Variants in SDK1 observed in about 807,000 individuals in gnomAD.
SDK1 encodes the protein sidekick cell adhesion molecule 1.
In SDK1, 157 loss-of-function variants were observed where a neutral mutation model predicts 245.5. The ratio of observed to expected loss-of-function variants is 0.64; its 90% CI spans 0.56 to 0.73. SDK1 has a LOEUF of 0.73. SDK1 is among the 30% of genes least tolerant of loss of function. The pLI, the probability that SDK1 is intolerant of heterozygous loss-of-function variation, is 0.00. For missense variants in SDK1, 3,583 were observed against 3,002.3 expected (o/e 1.19, Z -4.52); for synonymous variants, 1,647 against 1,278.5 (o/e 1.29, Z -6.15).
intron 20 of SDK1, among the ~76,000 whole-genome samples, chr7:4,072,019 A>G (rs922085816): frequency 1.3e-5 from 2 of 152,242 alleles, no homozygotes; most frequent in African/African-American, 4.8e-5. Context: ...ATAATAATTC[A>G]CGTTGAGCCA....
At chr7:3,389,396 A>C (rs1426337092) in intron 1 of SDK1, among the ~76,000 whole-genome samples, 1 of 152,184 alleles carries the variant, frequency 6.6e-6, no homozygotes, top group African/African-American at 2.4e-5. Flanking sequence ...TAAACAGAGC[A>C]AAGCAGAGTC....
intron 27 of SDK1, 61 bp from the exon 28 acceptor site, chr7:4,132,264 C>A: frequency 1.5e-6 from 2 of 1,334,548 alleles, no homozygotes; most frequent in Non-Finnish European, 2.1e-6. Context: ...TCCTGTGTAA[C>A]CTGTCACGCA....
chr7:4,020,682 G>A (rs920120959), intron 17 of SDK1, among the ~76,000 whole-genome samples: 1 of 152,188 alleles, frequency 6.6e-6, no homozygotes, highest in African/African-American at 2.4e-5. Flanking sequence ...TCACACACAC[G>A]TGTATATTCA....
intron 4 of SDK1, among the ~76,000 whole-genome samples, chr7:3,807,152 A>G (rs1562457821): frequency 6.6e-6 from 1 of 152,162 alleles, no homozygotes; most frequent in Non-Finnish European, 1.5e-5. Context: ...CCCCATCCCC[A>G]AAGGAAACTG....
At chr7:4,091,443 A>C (rs138230226) in intron 22 of SDK1, among the ~76,000 whole-genome samples, 1,645 of 150,274 alleles carry the variant, frequency 0.011, 16 homozygotes, top group South Asian at 0.038. Context: ...CCCAGGTTCA[A>C]ATGATTCTCA....
intron 4 of SDK1, among the ~76,000 whole-genome samples, chr7:3,780,208 G>A (rs1583406336): frequency 6.6e-6 from 1 of 152,190 alleles, no homozygotes; most frequent in Non-Finnish European, 1.5e-5. Flanking sequence ...TCCCAAGTTG[G>A]CACAGTGCCA....
intron 4 of SDK1, among the ~76,000 whole-genome samples, chr7:3,703,470 G>C (rs1439911818): frequency 6.6e-6 from 1 of 152,196 alleles, no homozygotes; most frequent in East Asian, 1.9e-4. Context: ...GGGAGGATTA[G>C]ATGTGTCTAT....
intron 5 of SDK1, among the ~76,000 whole-genome samples, chr7:3,875,643 G>C (rs1238708360): frequency 6.6e-6 from 1 of 152,206 alleles, no homozygotes; most frequent in Non-Finnish European, 1.5e-5. Context: ...GTTTGTAGAT[G>C]TAGAGACTCG....
At chr7:4,126,621 T>G (rs1784403154) in intron 25 of SDK1, among the ~76,000 whole-genome samples, 1 of 152,208 alleles carries the variant, frequency 6.6e-6, no homozygotes, top group Non-Finnish European at 1.5e-5. Context: ...CTTGGGAGGC[T>G]GAGACAGGAG....
chr7:3,499,828 C>T (rs973760997), intron 1 of SDK1, among the ~76,000 whole-genome samples: 15 of 152,180 alleles, frequency 9.9e-5, no homozygotes, highest in Admixed American at 9.2e-4. Flanking sequence ...TAGCATAGTC[C>T]GAACAACTAA....
At chr7:3,649,375 C>G (rs2128655217) in intron 4 of SDK1, among the ~76,000 whole-genome samples, 1 of 152,040 alleles carries the variant, frequency 6.6e-6, no homozygotes, top group South Asian at 2.1e-4. Context: ...GAAGAAATTG[C>G]CATCCCAATC....
At chr7:3,482,198 C>T (rs1053544614) in intron 1 of SDK1, among the ~76,000 whole-genome samples, 8 of 152,146 alleles carry the variant, frequency 5.3e-5, no homozygotes, top group East Asian at 1.9e-4. Context: ...AAACTACCTA[C>T]CTACTAACAA....
At chr7:3,595,528 G>A (rs1002554445) in intron 1 of SDK1, among the ~76,000 whole-genome samples, 2 of 151,924 alleles carry the variant, frequency 1.3e-5, no homozygotes, top group African/African-American at 4.8e-5. Context: ...AAACTCACCA[G>A]CACTACTGAT....
At chr7:3,864,208 G>A (rs1165531350) in intron 5 of SDK1, among the ~76,000 whole-genome samples, 2 of 152,158 alleles carry the variant, frequency 1.3e-5, no homozygotes, top group African/African-American at 4.8e-5. Context: ...CTTCTAATAT[G>A]TTTACACATA....
intron 28 of SDK1, among the ~76,000 whole-genome samples, chr7:4,140,980 C>A (rs559761346): frequency 3.9e-5 from 6 of 152,294 alleles, no homozygotes; most frequent in Admixed American, 3.9e-4. Context: ...GAGATGAGAA[C>A]TGAGAGTCAG....
At chr7:3,413,765 A>G (rs919432543) in intron 1 of SDK1, among the ~76,000 whole-genome samples, 3 of 152,170 alleles carry the variant, frequency 2.0e-5, no homozygotes, top group African/African-American at 7.2e-5. Flanking sequence ...TGGTGGGAGG[A>G]TCACTTGAGG....
intron 1 of SDK1, among the ~76,000 whole-genome samples, chr7:3,454,959 G>A (rs1327662247): frequency 6.6e-6 from 1 of 152,096 alleles, no homozygotes; most frequent in Non-Finnish European, 1.5e-5. Flanking sequence ...GTGCTTGAGT[G>A]GTACCGTTTC....
intron 1 of SDK1, among the ~76,000 whole-genome samples, chr7:3,419,945 G>A (rs926636015): frequency 6.6e-6 from 1 of 152,178 alleles, no homozygotes; most frequent in Non-Finnish European, 1.5e-5. Flanking sequence ...CGTTAGAGAT[G>A]TACCAGTGGC....
In SDK1 at chr7:3,623,725, C is replaced by T. The variant is rs368306619; in HGVS notation, c.458+4486C>T. ...CTACTTTGGAATGAAAAAATCTTTT[C>T]TAATTATATTCAACATATACATACA... On this transcript the variant is annotated intron_variant, in intron 2 of 44. Transcript: ENST00000404826. Among the ~76,000 whole-genome samples, 11 of 152,218 alleles carry T rather than the reference C, an allele frequency of 7.2e-5. No individual in the cohort carries two copies. In the South Asian group the frequency reaches 2.1e-3, roughly 29 times the overall value.
Sources: allele counts gnomAD v4.1 joint callset (sites outside exome capture counted in the v4.1 genomes callset), GRCh38; gene constraint gnomAD v4.1.1; transcripts MANE v1.5; gene names NCBI Gene and HGNC (gene_info 2026-07-23, HGNC 2026-07-21).